AGTPBP1: variants seen among roughly 807,000 people sequenced by gnomAD.
The protein encoded by AGTPBP1 is cytosolic carboxypeptidase 1.
AGTPBP1 carries 70 observed loss-of-function variants against 143.9 expected under a neutral mutation model. The observed-to-expected ratio is 0.49, with a 90% CI of 0.40 to 0.59. The LOEUF is 0.59. AGTPBP1 is among the 20% of genes least tolerant of loss of function. AGTPBP1 has a pLI of 0.00. For synonymous variants in AGTPBP1, 463 were observed against 500.2 expected, an observed-to-expected ratio of 0.93 and a Z score of 0.99; for missense variants, 1,229 against 1,464.5, an observed-to-expected ratio of 0.84 and a Z score of 2.62.
intron 3 of AGTPBP1, among the ~76,000 whole-genome samples, chr9:85,682,711 GAGA>G (rs1835264570): frequency 6.6e-6 from 1 of 152,188 alleles, no homozygotes; most frequent in Admixed American, 6.5e-5. Flanking sequence ...GGGAGTTTAA[GAGA>G]AGAACAACAG....
Position 85,583,267 on chromosome 9 carries a change from T to C in AGTPBP1, c.3165+2196A>G, listed in dbSNP as rs187011469. Reference sequence around the variant, plus strand: ...CCATCAATTTGTTTTGCTATGTTTGTTGTAGTCTGCTATAACAGCAATAGG... The same window carrying C: ...CCATCAATTTGTTTTGCTATGTTTGCTGTAGTCTGCTATAACAGCAATAGG... On this transcript the variant is annotated intron_variant, in intron 23 of 25. Transcript: ENST00000357081. 1.6e-3 allele frequency among the ~76,000 whole-genome samples: 251 copies of C among 152,318 alleles called. 1 individual carries two copies. The highest frequency in any genetic ancestry group is 4.9e-3 in the African/African-American group (203 of 41,580).
chr9:85,793,275 AT>A, the AGTPBP1 span: 1 of 152,274 alleles, frequency 6.6e-6, no homozygotes, highest in South Asian at 2.1e-4. Flanking sequence ...ATTTTAAACT[AT>A]TTTTCCCCAA....
chr9:85,674,004 T>C (rs1218041160), intron 6 of AGTPBP1, among the ~76,000 whole-genome samples: 2 of 150,562 alleles, frequency 1.3e-5, no homozygotes, highest in Non-Finnish European at 3.0e-5. Context: ...GCGCCTGCAG[T>C]CCCAACTACT....
At chr9:85,674,243 G>T (rs1215315831) in intron 6 of AGTPBP1, among the ~76,000 whole-genome samples, 9 of 149,374 alleles carry the variant, frequency 6.0e-5, no homozygotes, top group African/African-American at 2.2e-4. Context: ...AAAATAAAAA[G>T]AATAGAAAAA....
At chr9:85,562,887 C>A (rs1442576583) in intron 25 of AGTPBP1, among the ~76,000 whole-genome samples, 1 of 152,098 alleles carries the variant, frequency 6.6e-6, no homozygotes, top group Non-Finnish European at 1.5e-5. Context: ...AGGAGGCGGG[C>A]CTTTGGGAGG....
intron 11 of AGTPBP1, among the ~76,000 whole-genome samples, chr9:85,649,394 G>A (rs1372894273): frequency 6.6e-6 from 1 of 152,104 alleles, no homozygotes; most frequent in African/African-American, 2.4e-5. Context: ...ATATACACAC[G>A]TAGAGGAAGG....
chr9:85,638,083 C>T (rs1426980826), intron 13 of AGTPBP1, among the ~76,000 whole-genome samples: 1 of 151,652 alleles, frequency 6.6e-6, no homozygotes, highest in Non-Finnish European at 1.5e-5. Context: ...TTTTAGAAAA[C>T]CCACTTGACG....
In AGTPBP1 at chr9:85,741,950, A is replaced by C. The variant is rs1466867372; in HGVS notation, c.-209T>G. 2 of 1,277,312 alleles carry C rather than the reference A, an allele frequency of 1.6e-6. No individual in the cohort carries two copies. The highest frequency in any genetic ancestry group is 2.0e-6 in the Non-Finnish European group (2 of 1,014,970). The allele number at this position is 1,277,312 out of a possible 1,614,324, so 79.1% of individuals were successfully genotyped here. On this transcript the variant is annotated 5_prime_UTR_variant, in exon 1 of 26. Transcript: ENST00000357081. ...GCGGCGGCGGCGCTGGAGGCGGCGG[A>C]ACCTGTCCGCATCCCGGGCAACGTC...
At chr9:85,710,176 T>TA (rs1333723676) in intron 2 of AGTPBP1, among the ~76,000 whole-genome samples, 2 of 152,170 alleles carry the variant, frequency 1.3e-5, no homozygotes, top group Admixed American at 1.3e-4. Flanking sequence ...CTCTTTTTTT[T>TA]AGAACATATT....
chr9:85,731,608 C>T (rs1337878188), intron 1 of AGTPBP1, among the ~76,000 whole-genome samples: 1 of 152,050 alleles, frequency 6.6e-6, no homozygotes, highest in Admixed American at 6.6e-5. Context: ...CCACCAGCCA[C>T]CTAATTGTTT....
At chr9:85,801,126 T>C in the AGTPBP1 span, among the ~76,000 whole-genome samples, 1 of 151,900 alleles carries the variant, frequency 6.6e-6, no homozygotes, top group African/African-American at 2.4e-5. Context: ...AGCCTGGCCA[T>C]CATGGTGAAA....
At chr9:85,733,380 T>C (rs979225096) in intron 1 of AGTPBP1, among the ~76,000 whole-genome samples, 2 of 152,090 alleles carry the variant, frequency 1.3e-5, no homozygotes, top group Non-Finnish European at 1.5e-5. Context: ...TCTTAACCAA[T>C]GAATCAAAGA....
chr9:85,628,994 C>A (rs1274616999), intron 14 of AGTPBP1, among the ~76,000 whole-genome samples: 1 of 152,174 alleles, frequency 6.6e-6, no homozygotes, highest in East Asian at 1.9e-4. Flanking sequence ...GGATTACAGG[C>A]ATGAGCCACC....
intron 23 of AGTPBP1, among the ~76,000 whole-genome samples, chr9:85,580,682 G>C (rs185388726): frequency 1.4e-4 from 21 of 152,182 alleles, no homozygotes; most frequent in Admixed American, 3.9e-4. Context: ...CACGGTATTT[G>C]GTAGTATCAA....
chr9:85,632,600 T>A (rs1221720886), intron 14 of AGTPBP1, 62 bp downstream of exon 14: 3 of 1,397,476 alleles, frequency 2.1e-6, no homozygotes, highest in Non-Finnish European at 2.9e-6. Context: ...GTAATTTTTT[T>A]AAGACTGCCT....
the AGTPBP1 span, among the ~76,000 whole-genome samples, chr9:85,761,382 G>A: frequency 4.6e-5 from 7 of 152,108 alleles, no homozygotes; most frequent in African/African-American, 9.7e-5. Flanking sequence ...TATACTACAA[G>A]GCTACAGTAA....
At chr9:85,590,681 G>A (rs1045592644) in intron 19 of AGTPBP1, among the ~76,000 whole-genome samples, 3 of 152,092 alleles carry the variant, frequency 2.0e-5, no homozygotes, top group Non-Finnish European at 4.4e-5. Flanking sequence ...AGCCAAGTCT[G>A]GGCAGTGAGG....
intron 25 of AGTPBP1, among the ~76,000 whole-genome samples, chr9:85,564,639 G>A (rs1159465744): frequency 6.6e-6 from 1 of 152,186 alleles, no homozygotes; most frequent in Non-Finnish European, 1.5e-5. Flanking sequence ...GTCACATGCT[G>A]TACAGGCTTG....
chr9:85,588,246 C>T, intron 21 of AGTPBP1, 52 bp downstream of exon 21: 1 of 1,425,888 alleles, frequency 7.0e-7, no homozygotes, highest in Non-Finnish European at 9.3e-7. Flanking sequence ...CAAGTTTATA[C>T]AGGACAACCA....
Sources: gnomAD v4.1 joint callset for allele counts (sites outside exome capture counted in the v4.1 genomes callset) on GRCh38, gnomAD v4.1.1 for gene constraint, MANE v1.5 for transcripts, NCBI Gene and HGNC (gene_info 2026-07-23, HGNC 2026-07-21) for gene names.